DDX19B: variants seen among roughly 807,000 people sequenced by gnomAD.
DDX19B encodes DEAD-box helicase 19B, also known as ATP-dependent RNA helicase DDX19B.
Under a neutral mutation model 58.1 loss-of-function variants are expected in DDX19B, and 27 were observed. The ratio of observed to expected loss-of-function variants is 0.46; its 90% CI spans 0.34 to 0.64. The LOEUF (loss-of-function observed/expected upper bound fraction) is 0.64, where lower values mean the gene tolerates loss of function less well. DDX19B is among the 30% of genes least tolerant of loss of function. The pLI, the probability that DDX19B is intolerant of heterozygous loss-of-function variation, is 0.01. For missense variants in DDX19B, 399 were observed against 596.5 expected (o/e 0.67, Z 3.45); for synonymous variants, 187 against 214.4 (o/e 0.87, Z 1.12).
At chr16:70,323,208 G>A (rs1485079117) in intron 5 of DDX19B, among the ~76,000 whole-genome samples, 1 of 151,956 alleles carries the variant, frequency 6.6e-6, no homozygotes, top group African/African-American at 2.4e-5. Context: ...CTGGGCTCAA[G>A]AGATCCTCAC....
chr16:70,298,526 T>A (rs1173910993), upstream of DDX19B, among the ~76,000 whole-genome samples: 1 of 149,662 alleles, frequency 6.7e-6, no homozygotes, highest in East Asian at 2.0e-4. Context: ...TTTTGCTCTG[T>A]CACCCAGGCT....
intron 5 of DDX19B, chr16:70,319,618 T>C: frequency 6.7e-6 from 1 of 149,658 alleles, no homozygotes; most frequent in East Asian, 1.9e-4. Context: ...AGGGCAAGTG[T>C]GGTGGCTCAT....
chr16:70,324,362 C>CAAAAAA (rs57977602), intron 5 of DDX19B, among the ~76,000 whole-genome samples: 10 of 48,848 alleles, frequency 2.0e-4, no homozygotes, highest in Non-Finnish European at 3.3e-4. Flanking sequence ...GACCTAATCT[C>CAAAAAA]AAAAAAAAAA....
At position 70,333,525 on chromosome 16, in the gene DDX19B, G is replaced by A; in HGVS notation, c.1383G>A (p.Lys461=). The change falls in exon 12 of 12, where the codon AAG becomes AAA. Residue 461 remains lysine, a synonymous_variant. Coordinates refer to ENST00000288071, the MANE Select transcript of DDX19B (RefSeq NM_007242.7). ...ACCTGTGTATCTTTCCCCCAGATAA[G>A]AAGATAGAAAGATTGGACACAGATG... The part of the protein sequence containing the change: ...ILNRIQEHFN[K]KIERLDTDDL... 1 of 1,613,972 alleles carries A rather than the reference G, an allele frequency of 6.2e-7. No homozygotes were observed.
chr16:70,295,201 A>G, upstream of DDX19B: 1 of 634,264 alleles, frequency 1.6e-6, no homozygotes, highest in South Asian at 7.0e-5. Flanking sequence ...TTTGGAAACC[A>G]GGTTCCTTCT....
chr16:70,290,446 G>A (rs983082199), upstream of DDX19B, among the ~76,000 whole-genome samples: 2 of 152,100 alleles, frequency 1.3e-5, no homozygotes, highest in Non-Finnish European at 2.9e-5. Flanking sequence ...GGAATCCCTT[G>A]ACCTCGGGAG....
chr16:70,315,909 G>C, intron 3 of DDX19B, 60 bp from the exon 4 acceptor site: 1 of 1,582,642 alleles, frequency 6.3e-7, no homozygotes, highest in Non-Finnish European at 8.6e-7. Context: ...TTGAATTAGA[G>C]TAAACGCCTG....
intron 1 of DDX19B, among the ~76,000 whole-genome samples, chr16:70,301,647 A>G (rs537807276): frequency 4.1e-5 from 6 of 146,832 alleles, no homozygotes; most frequent in Non-Finnish European, 9.0e-5. Flanking sequence ...GTTTTTTCTT[A>G]ATTCCCTCTT....
chr16:70,313,357 C>T (rs1041372479), intron 2 of DDX19B, among the ~76,000 whole-genome samples: 2 of 151,972 alleles, frequency 1.3e-5, no homozygotes, highest in Admixed American at 1.3e-4. Flanking sequence ...CCCTGTGTTG[C>T]CCAGGTTGGT....
chr16:70,304,129 C>T (rs933016378), intron 1 of DDX19B, among the ~76,000 whole-genome samples: 3 of 150,794 alleles, frequency 2.0e-5, no homozygotes, highest in African/African-American at 7.3e-5. Flanking sequence ...AACCCCTCGC[C>T]TCCGGGGTTC....
chr16:70,312,750 G>GT, intron 2 of DDX19B, 93 bp downstream of exon 2: 3 of 1,066,874 alleles, frequency 2.8e-6, no homozygotes, highest in Non-Finnish European at 4.2e-6. Context: ...ATTTGTATTT[G>GT]TACCAGGCAG....
chr16:70,321,610 T>C (rs755235046), intron 5 of DDX19B, among the ~76,000 whole-genome samples: 8 of 152,240 alleles, frequency 5.3e-5, no homozygotes, highest in Non-Finnish European at 8.8e-5. Context: ...TGTTCTAGTT[T>C]GAAATATAGC....
intron 4 of DDX19B, among the ~76,000 whole-genome samples, chr16:70,316,338 T>C (rs1231168887): frequency 6.6e-6 from 1 of 151,972 alleles, no homozygotes; most frequent in Non-Finnish European, 1.5e-5. Context: ...GCCTCCCAAG[T>C]AGCTGAGATT....
At chr16:70,299,456 G>A in intron 1 of DDX19B, 102 bp downstream of exon 1, 1 of 1,363,814 alleles carries the variant, frequency 7.3e-7, no homozygotes, top group Non-Finnish European at 9.8e-7. Flanking sequence ...GCTGGATGGG[G>A]TGGCGGGGAG....
chr16:70,310,752 C>T (rs1001753709), intron 1 of DDX19B, among the ~76,000 whole-genome samples: 24 of 151,698 alleles, frequency 1.6e-4, no homozygotes, highest in African/African-American at 5.8e-4. Flanking sequence ...CTTTTTTGGC[C>T]AGGTGCGGTG....
At chr16:70,296,879 G>A (rs1463145494), upstream of DDX19B, among the ~76,000 whole-genome samples, 1 of 152,076 alleles carries the variant, frequency 6.6e-6, no homozygotes, top group African/African-American at 2.4e-5. Flanking sequence ...AAATTCCACA[G>A]AGAACCCACC....
upstream of DDX19B, among the ~76,000 whole-genome samples, chr16:70,295,263 C>A (rs994711899): frequency 2.0e-5 from 3 of 152,098 alleles, no homozygotes; most frequent in African/African-American, 4.8e-5. Flanking sequence ...TTAGGAGAGT[C>A]TGAAACCCCG....
chr16:70,315,500 AT>A (rs1962339783), intron 3 of DDX19B: 2 of 155,064 alleles, frequency 1.3e-5, no homozygotes, highest in Admixed American at 6.4e-5. Flanking sequence ...ATAGGGCATT[AT>A]AAAAAATTTT....
chr16:70,314,989 G>A (rs1454752147), intron 3 of DDX19B, 34 bp downstream of exon 3: 1 of 1,597,938 alleles, frequency 6.3e-7, no homozygotes, highest in Non-Finnish European at 8.6e-7. Flanking sequence ...ATAATAACAA[G>A]CTTCTACATT....
Sources: gnomAD v4.1 joint callset for allele counts (sites outside exome capture counted in the v4.1 genomes callset) on GRCh38, gnomAD v4.1.1 for gene constraint, MANE v1.5 for transcripts, NCBI Gene and HGNC (gene_info 2026-07-23, HGNC 2026-07-21) for gene names.